The following CADPS2 variants were observed in gnomAD, a reference collection of about 807,000 sequenced individuals.
CADPS2 encodes the protein calcium-dependent secretion activator 2.
Under a neutral mutation model 172.5 loss-of-function variants are expected in CADPS2, and 93 were observed. The observed-to-expected ratio is 0.54, with a 90% CI of 0.46 to 0.64. The LOEUF (loss-of-function observed/expected upper bound fraction) is 0.64. CADPS2 is among the 30% of genes least tolerant of loss of function. The probability of loss-of-function intolerance (pLI) is 0.00; values close to 1 mark genes in which losing one functional copy is unlikely to be tolerated. For synonymous variants in CADPS2, 546 were observed against 555.2 expected, an observed-to-expected ratio of 0.98 and a Z score of 0.23; for missense variants, 1,420 against 1,565.9, an observed-to-expected ratio of 0.91 and a Z score of 1.57.
chr7:122,645,521 TA>T (rs1391890632), intron 3 of CADPS2, among the ~76,000 whole-genome samples: 5 of 126,950 alleles, frequency 3.9e-5, no homozygotes, highest in Admixed American at 1.6e-4. Flanking sequence ...TACTTATATA[TA>T]TATAAGTATA....
chr7:122,435,845 G>A (rs2050573388), intron 17 of CADPS2, among the ~76,000 whole-genome samples: 1 of 151,936 alleles, frequency 6.6e-6, no homozygotes, highest in South Asian at 2.1e-4. Context: ...CAAATTTCTG[G>A]CTTAATAGTA....
intron 8 of CADPS2, among the ~76,000 whole-genome samples, chr7:122,525,525 T>TG (rs1338050123): frequency 6.6e-6 from 1 of 152,192 alleles, no homozygotes; most frequent in African/African-American, 2.4e-5. Flanking sequence ...AAGATACGCT[T>TG]GCTGTTAATC....
intron 5 of CADPS2, among the ~76,000 whole-genome samples, chr7:122,616,242 G>A (rs1186797263): frequency 6.6e-6 from 1 of 151,872 alleles, no homozygotes; most frequent in Non-Finnish European, 1.5e-5. Context: ...GATCCCATGT[G>A]GTATTTGCAC....
At chr7:122,406,936 A>C (rs1469163313) in intron 20 of CADPS2, among the ~76,000 whole-genome samples, 3 of 152,188 alleles carry the variant, frequency 2.0e-5, no homozygotes, top group East Asian at 3.9e-4. Context: ...GATAAAAAAC[A>C]GTTTGTTTTG....
At chr7:122,765,657 T>G (rs956452561) in intron 1 of CADPS2, among the ~76,000 whole-genome samples, 1 of 152,146 alleles carries the variant, frequency 6.6e-6, no homozygotes, top group East Asian at 1.9e-4. Flanking sequence ...GAGGACTGTA[T>G]AGAACAACAA....
At chr7:122,436,905 A>C (rs539579192) in intron 17 of CADPS2, among the ~76,000 whole-genome samples, 1 of 152,254 alleles carries the variant, frequency 6.6e-6, no homozygotes, top group Admixed American at 6.5e-5. Flanking sequence ...GGACAAGTTA[A>C]TAGTCAAAAA....
intron 2 of CADPS2, among the ~76,000 whole-genome samples, chr7:122,710,468 G>A (rs984397995): frequency 6.6e-6 from 1 of 152,040 alleles, no homozygotes; most frequent in Admixed American, 6.6e-5. Flanking sequence ...AGCCATTTAA[G>A]CTGAGCCACA....
At chr7:122,812,447 AG>A (rs1800248495) in intron 1 of CADPS2, among the ~76,000 whole-genome samples, 1 of 151,186 alleles carries the variant, frequency 6.6e-6, no homozygotes, top group African/African-American at 2.4e-5. Flanking sequence ...GAGCAAGCAA[AG>A]AAAGAAAGAA....
intron 6 of CADPS2, among the ~76,000 whole-genome samples, chr7:122,604,832 A>G (rs1477428069): frequency 6.6e-6 from 1 of 152,128 alleles, no homozygotes; most frequent in Non-Finnish European, 1.5e-5. Flanking sequence ...GAATCTAACT[A>G]CAGTCATGCA....
chr7:122,344,647 T>A (rs966270120), intron 28 of CADPS2, among the ~76,000 whole-genome samples: 2 of 152,218 alleles, frequency 1.3e-5, no homozygotes, highest in African/African-American at 4.8e-5. Context: ...TATTTGTTTG[T>A]TTAACAGTAG....
At chr7:122,816,923 G>C (rs575436033) in intron 1 of CADPS2, among the ~76,000 whole-genome samples, 1 of 151,764 alleles carries the variant, frequency 6.6e-6, no homozygotes, top group African/African-American at 2.4e-5. Flanking sequence ...CCTTGTGAAA[G>C]TCCTTTTCCT....
intron 4 of CADPS2, among the ~76,000 whole-genome samples, chr7:122,622,597 T>C (rs1366473205): frequency 1.3e-5 from 2 of 152,202 alleles, no homozygotes; most frequent in African/African-American, 4.8e-5. Flanking sequence ...CTTTGTTCCC[T>C]CACATTCTTG....
intron 7 of CADPS2, among the ~76,000 whole-genome samples, chr7:122,567,047 T>C (rs2066565402): frequency 6.6e-6 from 1 of 152,156 alleles, no homozygotes; most frequent in Non-Finnish European, 1.5e-5. Flanking sequence ...ATCTGGAAAG[T>C]GAAGAGATTG....
intron 1 of CADPS2, among the ~76,000 whole-genome samples, chr7:122,826,699 G>A (rs1804992947): frequency 1.3e-5 from 2 of 152,152 alleles, no homozygotes; most frequent in South Asian, 2.1e-4. Context: ...TGGACTCAGT[G>A]GCAGAATAGA....
At chr7:122,645,215 T>C (rs1384163577) in intron 3 of CADPS2, among the ~76,000 whole-genome samples, 2 of 102,732 alleles carry the variant, frequency 1.9e-5, no homozygotes, top group African/African-American at 7.3e-5. Flanking sequence ...TATACATAAG[T>C]ATATATATAC....
chr7:122,549,370 C>G (rs2063967177), intron 8 of CADPS2, among the ~76,000 whole-genome samples: 1 of 152,168 alleles, frequency 6.6e-6, no homozygotes, highest in South Asian at 2.1e-4. Flanking sequence ...TAAACCTAAA[C>G]AGCTGACTCA....
rs1352465674 is a variant in CADPS2, at chr7:122,376,462, T to C, written c.3387+2906A>G. On this transcript the variant is annotated intron_variant, in intron 25 of 29. Coordinates refer to ENST00000449022, the MANE Select transcript of CADPS2 (RefSeq NM_017954.11). ...CTGGAATATATTATGCTCTGTGAAA[T>C]AATTCAGACACAGAAGATTAAATAT... 2.6e-5 allele frequency among the ~76,000 whole-genome samples: 4 copies of C among 152,184 alleles called. No homozygotes were observed. In the East Asian group the frequency reaches 7.7e-4, roughly 29 times the overall value.
At position 122,529,406 on chromosome 7, in the gene CADPS2, T is replaced by C. The variant is rs547002979; in HGVS notation, c.1476-16091A>G. Among the ~76,000 whole-genome samples the C allele has an allele frequency of 3.9e-5, 6 of 152,252 alleles. No individual in the cohort carries two copies. In the South Asian group the frequency reaches 1.2e-3, roughly 32 times the overall value. The stretch of plus-strand genomic sequence containing the variant: ...TCACTGAAAAAAGTATACCCATCCC[T>C]AATTTTACAACTATTATAAGCAGAA... On this transcript the variant is annotated intron_variant, in intron 8 of 29. Transcript: ENST00000449022.
chr7:122,464,167 C>T (rs2054836492), intron 14 of CADPS2, among the ~76,000 whole-genome samples: 1 of 152,138 alleles, frequency 6.6e-6, no homozygotes, highest in Admixed American at 6.5e-5. Context: ...AAAAGATGAG[C>T]TTGCAGCATG....
Sources: gnomAD v4.1 joint callset for allele counts (sites outside exome capture counted in the v4.1 genomes callset) on GRCh38, gnomAD v4.1.1 for gene constraint, MANE v1.5 for transcripts, NCBI Gene and HGNC (gene_info 2026-07-23, HGNC 2026-07-21) for gene names.